The following PLXNA4 variants were observed in gnomAD, a reference collection of about 807,000 sequenced individuals.
PLXNA4 encodes plexin-A4.
In PLXNA4, 44 loss-of-function variants were observed where a neutral mutation model predicts 191.8. The ratio of observed to expected loss-of-function variants is 0.23; its 90% CI spans 0.18 to 0.29. The LOEUF (loss-of-function observed/expected upper bound fraction) is 0.29, where lower values mean the gene tolerates loss of function less well. PLXNA4 is among the 10% of genes least tolerant of loss of function. The probability of loss-of-function intolerance (pLI) is 1.00; values close to 1 mark genes in which losing one functional copy is unlikely to be tolerated. For synonymous variants in PLXNA4, 1,082 were observed against 1,009.5 expected (o/e 1.07, Z -1.36); for missense variants, 1,800 against 2,488.8 (o/e 0.72, Z 5.89).
intron 3 of PLXNA4, among the ~76,000 whole-genome samples, chr7:132,354,182 T>TGC (rs1354095959): frequency 1.3e-5 from 2 of 150,812 alleles, no homozygotes; most frequent in Non-Finnish European, 2.9e-5. Flanking sequence ...ACCAACAGTG[T>TGC]GTGCGTGTGT....
At chr7:132,148,073 G>C in intron 26 of PLXNA4, 74 bp from the exon 27 acceptor site, 1 of 1,609,028 alleles carries the variant, frequency 6.2e-7, no homozygotes, top group South Asian at 1.1e-5. Context: ...AAATCATGAT[G>C]AACTTGGCAC....
At chr7:132,348,723 G>T (rs1456539537) in intron 3 of PLXNA4, among the ~76,000 whole-genome samples, 1 of 152,184 alleles carries the variant, frequency 6.6e-6, no homozygotes, top group Non-Finnish European at 1.5e-5. Context: ...AGTCCCTGGG[G>T]CCAGGGGACA....
chr7:132,223,477 C>A, intron 9 of PLXNA4, 50 bp downstream of exon 9: 1 of 1,469,238 alleles, frequency 6.8e-7, no homozygotes, highest in South Asian at 1.2e-5. Flanking sequence ...TCTTCTGTGT[C>A]CCATGCTCAC....
Position 132,126,233 on chromosome 7 carries a change from T to C in PLXNA4, c.*4246A>G, listed in dbSNP as rs1312031509. 1.3e-5 allele frequency: 2 copies of C among 152,380 alleles called. No homozygotes were observed. Among genetic ancestry groups the C allele is most frequent in the Non-Finnish European group, 2.9e-5 (2 of 68,252 alleles). 9.4% of individuals were successfully genotyped at this position (152,380 alleles called of 1,614,324 possible). On this transcript the variant is annotated 3_prime_UTR_variant, in exon 32 of 32. Coordinates refer to ENST00000321063, the MANE Select transcript of PLXNA4 (RefSeq NM_020911.2). ...GCAGTGGAGGTCATTTGGGAAGTCA[T>C]TGCTTGTGGATCCTCGGATGGGGAC... is the stretch of plus-strand genomic sequence containing the variant.
chr7:132,212,088 C>T lies in PLXNA4; in HGVS notation c.2098-945G>A, dbSNP rs79056850. Among the ~76,000 whole-genome samples, 1,293 of 152,262 alleles carry T rather than the reference C, an allele frequency of 8.5e-3. 21 individuals carry two copies. The highest frequency in any genetic ancestry group is 0.03 in the African/African-American group (1,230 of 41,542). ...TAACACAAGCATGGCCTGGGCATCC[C>T]CTGTGCCAGGCAGGTCCCACCATCC... is the stretch of plus-strand genomic sequence containing the variant. On this transcript the variant is annotated intron_variant, in intron 9 of 31. Coordinates refer to ENST00000321063, the MANE Select transcript of PLXNA4 (RefSeq NM_020911.2).
chr7:132,637,417 T>G (rs557555336), intron 2 of PLXNA4, among the ~76,000 whole-genome samples: 60 of 152,280 alleles, frequency 3.9e-4, no homozygotes, highest in Admixed American at 3.7e-3. Flanking sequence ...TCTCCTTGGT[T>G]GCCTTGAGCA....
chr7:132,258,475 G>T (rs542241157), intron 4 of PLXNA4, among the ~76,000 whole-genome samples: 1 of 152,334 alleles, frequency 6.6e-6, no homozygotes, highest in East Asian at 1.9e-4. Flanking sequence ...GTTTTTGGGA[G>T]CAGAGTCAAG....
At chr7:132,254,618 C>A (rs1308685663) in intron 4 of PLXNA4, among the ~76,000 whole-genome samples, 1 of 152,198 alleles carries the variant, frequency 6.6e-6, no homozygotes, top group Non-Finnish European at 1.5e-5. Flanking sequence ...AGTCAGGGGA[C>A]CCAGCGGCGC....
chr7:132,541,378 T>C (rs1353564433), intron 1 of PLXNA4, among the ~76,000 whole-genome samples: 1 of 152,242 alleles, frequency 6.6e-6, no homozygotes, highest in Non-Finnish European at 1.5e-5. Flanking sequence ...GCTGCTGGAA[T>C]GCTAACGGTG....
chr7:132,297,138 CAG>C (rs1171865249), intron 4 of PLXNA4, among the ~76,000 whole-genome samples: 3 of 152,262 alleles, frequency 2.0e-5, no homozygotes, highest in African/African-American at 7.2e-5. Context: ...CAGGGTCCTC[CAG>C]AGAGTTCAGG....
At chr7:132,515,543 C>A (rs1189591862) in intron 1 of PLXNA4, among the ~76,000 whole-genome samples, 1 of 152,190 alleles carries the variant, frequency 6.6e-6, no homozygotes, top group East Asian at 1.9e-4. Context: ...AGTGAGCAAG[C>A]CAAACAGATC....
At chr7:132,212,477 G>A (rs936167988) in intron 9 of PLXNA4, among the ~76,000 whole-genome samples, 19 of 151,800 alleles carry the variant, frequency 1.3e-4, no homozygotes, top group Non-Finnish European at 1.8e-4. Context: ...TCTAGTACCC[G>A]TGAGCTGCTG....
intron 3 of PLXNA4, among the ~76,000 whole-genome samples, chr7:132,466,783 C>T (rs1357940760): frequency 6.6e-6 from 1 of 152,146 alleles, no homozygotes; most frequent in African/African-American, 2.4e-5. Flanking sequence ...ACTTTTTAAT[C>T]ACTTTCTAAG....
intron 3 of PLXNA4, among the ~76,000 whole-genome samples, chr7:132,364,346 G>A (rs1343894071): frequency 6.6e-6 from 1 of 152,230 alleles, no homozygotes; most frequent in Non-Finnish European, 1.5e-5. Context: ...GCCTTTCTTT[G>A]TTCCCCAAAG....
At chr7:132,250,552 T>C (rs935804292) in intron 4 of PLXNA4, among the ~76,000 whole-genome samples, 2 of 152,176 alleles carry the variant, frequency 1.3e-5, no homozygotes, top group African/African-American at 2.4e-5. Context: ...CATGCTCACA[T>C]TCACACACAG....
intron 3 of PLXNA4, among the ~76,000 whole-genome samples, chr7:132,406,268 C>G (rs1794215581): frequency 6.6e-6 from 1 of 152,186 alleles, no homozygotes; most frequent in African/African-American, 2.4e-5. Context: ...ACACAATGGT[C>G]TGAGTATTTT....
chr7:132,450,202 G>T (rs1222428102), intron 3 of PLXNA4, among the ~76,000 whole-genome samples: 2 of 152,194 alleles, frequency 1.3e-5, no homozygotes, highest in African/African-American at 4.8e-5. Flanking sequence ...GGTCCAGGAG[G>T]CTGTGGCTCT....
upstream of PLXNA4, among the ~76,000 whole-genome samples, chr7:132,581,158 G>T (rs900823297): frequency 6.6e-6 from 1 of 152,142 alleles, no homozygotes; most frequent in Non-Finnish European, 1.5e-5. Context: ...GTCTCCTAAG[G>T]GACTAAGTGG....
intron 5 of PLXNA4, among the ~76,000 whole-genome samples, chr7:132,239,798 G>C (rs1364513): frequency 4.6e-5 from 7 of 152,118 alleles, no homozygotes; most frequent in Non-Finnish European, 1.0e-4. Context: ...TGTGAGTTAT[G>C]TATGTTTCAG....
Sources: gnomAD v4.1 joint callset for allele counts (sites outside exome capture counted in the v4.1 genomes callset) on GRCh38, gnomAD v4.1.1 for gene constraint, MANE v1.5 for transcripts, NCBI Gene and HGNC (gene_info 2026-07-23, HGNC 2026-07-21) for gene names.